Variants in STARD6 observed in about 807,000 individuals in gnomAD.
STARD6 encodes stAR-related lipid transfer protein 6.
Under a neutral mutation model 22.3 loss-of-function variants are expected in STARD6, and 21 were observed. That is an observed-to-expected ratio of 0.94 (90% CI 0.67 to 1.35). The LOEUF is 1.35. Ranked by LOEUF, STARD6 falls within the 40% of genes most tolerant of loss-of-function variation. The pLI is 0.00. For synonymous variants in STARD6, 80 were observed against 88.1 expected (o/e 0.91, Z 0.52); for missense variants, 269 against 266.9 (o/e 1.01, Z -0.05).
intron 5 of STARD6, among the ~76,000 whole-genome samples, chr18:54,332,212 G>T (rs2088871432): frequency 1.3e-5 from 2 of 152,102 alleles, no homozygotes; most frequent in Admixed American, 1.3e-4. Flanking sequence ...CTCCACATAG[G>T]CTAAGTAATA....
intron 4 of STARD6, among the ~76,000 whole-genome samples, chr18:54,345,368 T>A (rs887826591): frequency 6.6e-6 from 1 of 152,112 alleles, no homozygotes; most frequent in East Asian, 1.9e-4. Context: ...ATAGAACACG[T>A]TTAAGACATA....
intron 7 of STARD6, 23 bp downstream of exon 7, chr18:54,329,324 A>G (rs1215682051): frequency 2.0e-6 from 3 of 1,519,248 alleles, no homozygotes; most frequent in African/African-American, 2.9e-5. Context: ...CTGTTAAAAT[A>G]AATAAGTGCA....
chr18:54,356,995 T>C (rs1254542495), intron 1 of STARD6: 1 of 152,238 alleles, frequency 6.6e-6, no homozygotes, highest in East Asian at 1.9e-4. Flanking sequence ...AGGTAAAATT[T>C]AGTAGGCTAC....
intron 4 of STARD6, 70 bp from the exon 5 acceptor site, chr18:54,337,321 C>A: frequency 6.9e-7 from 1 of 1,444,694 alleles, no homozygotes. Flanking sequence ...ATAATACTAT[C>A]AAAGCATAAA....
chr18:54,327,244 T>G (rs949805558), intron 7 of STARD6, among the ~76,000 whole-genome samples: 4 of 152,208 alleles, frequency 2.6e-5, no homozygotes, highest in African/African-American at 9.7e-5. Flanking sequence ...CAAACATTTT[T>G]AATTTTGATC....
chr18:54,331,304 G>A (rs1019814476), intron 6 of STARD6, among the ~76,000 whole-genome samples: 6 of 152,004 alleles, frequency 3.9e-5, no homozygotes, highest in Non-Finnish European at 7.4e-5. Context: ...ATCAAAACCG[G>A]CAGTTTCTAA....
Position 54,343,338 on chromosome 18 carries a change from C to T in STARD6, c.141-6087G>A, listed in dbSNP as rs1247939080. ...CCATCTGGGAAGTGAGGAGCATCTC[C>T]GCCCGGCAGCCACCCCGTCCGGGAG... is the stretch of plus-strand genomic sequence containing the variant. On this transcript the variant is annotated intron_variant, in intron 4 of 7. Transcript: ENST00000307844. 7.1e-4 allele frequency among the ~76,000 whole-genome samples: 101 copies of T among 141,982 alleles called. 2 individuals carry two copies. The highest frequency in any genetic ancestry group is 1.3e-3 in the Non-Finnish European group (83 of 64,408). The allele number at this position is 141,982 out of a possible 152,430, so 93.1% of individuals were successfully genotyped here.
rs537696212 is a variant in STARD6, at chr18:54,324,691, A to T, written c.*1T>A. 1 of 1,612,098 alleles carries T rather than the reference A, an allele frequency of 6.2e-7. No homozygotes were observed. The highest frequency in any genetic ancestry group is 1.3e-5 in the African/African-American group (1 of 74,904). ...GAACGGCCTCATTTCTTCTTTTGGT[A>T]TCATGAATGACTATTATGATGAAAT... On this transcript the variant is annotated 3_prime_UTR_variant, in exon 8 of 8. Coordinates refer to ENST00000307844, the MANE Select transcript of STARD6 (RefSeq NM_139171.2).
chr18:54,345,192 T>C (rs1283673086), intron 4 of STARD6, among the ~76,000 whole-genome samples: 2 of 152,138 alleles, frequency 1.3e-5, no homozygotes, highest in South Asian at 4.1e-4. Flanking sequence ...AGCTTCAGGA[T>C]ACAAGATCAA....
intron 4 of STARD6, among the ~76,000 whole-genome samples, chr18:54,345,811 G>A (rs1312110982): frequency 9.2e-5 from 14 of 152,120 alleles, no homozygotes; most frequent in Admixed American, 8.5e-4. Flanking sequence ...TGACAAAGGA[G>A]CCCAGACAAT....
At chr18:54,355,311 C>T (rs1021230611) in intron 2 of STARD6, among the ~76,000 whole-genome samples, 21 of 152,124 alleles carry the variant, frequency 1.4e-4, no homozygotes, top group African/African-American at 5.1e-4. Context: ...ATGTCACCTC[C>T]TCAGATAGGA....
At chr18:54,337,502 G>C (rs1421255087) in intron 4 of STARD6, among the ~76,000 whole-genome samples, 1 of 152,146 alleles carries the variant, frequency 6.6e-6, no homozygotes, top group Admixed American at 6.5e-5. Context: ...TTAAGTTTTT[G>C]GGGAGTCAAA....
chr18:54,334,444 C>T (rs190250041), intron 5 of STARD6, among the ~76,000 whole-genome samples: 2 of 152,226 alleles, frequency 1.3e-5, no homozygotes, highest in East Asian at 1.9e-4. Flanking sequence ...AAACTTCTCC[C>T]CCTGACCTTT....
At chr18:54,338,700 A>G (rs1318861054) in intron 4 of STARD6, among the ~76,000 whole-genome samples, 2 of 152,092 alleles carry the variant, frequency 1.3e-5, no homozygotes, top group Non-Finnish European at 2.9e-5. Context: ...AAAAACAGCA[A>G]GCAGGAGAAA....
intron 4 of STARD6, among the ~76,000 whole-genome samples, chr18:54,351,933 C>G: frequency 1.2e-5 from 1 of 85,720 alleles, no homozygotes. Context: ...ATGTCCTTTA[C>G]TGGTTTTGTT....
At chr18:54,336,647 C>T (rs1467412552) in intron 5 of STARD6, among the ~76,000 whole-genome samples, 2 of 152,068 alleles carry the variant, frequency 1.3e-5, no homozygotes, top group Admixed American at 6.5e-5. Flanking sequence ...TGAGTTCTCA[C>T]GAGGTCTGAT....
At chr18:54,355,088 C>T (rs1056523213) in intron 2 of STARD6, among the ~76,000 whole-genome samples, 2 of 152,200 alleles carry the variant, frequency 1.3e-5, no homozygotes, top group Non-Finnish European at 2.9e-5. Context: ...AGTGGCACTA[C>T]ACGATCTGAC....
intron 1 of STARD6, chr18:54,357,192 G>A (rs1445470166): frequency 6.6e-6 from 1 of 152,232 alleles, no homozygotes; most frequent in African/African-American, 2.4e-5. Flanking sequence ...CCAATTGGTT[G>A]AAACTGGATT....
chr18:54,324,704 A>C lies in STARD6; in HGVS notation c.651T>G (p.Asn217Lys). The change falls in exon 8 of 8, where the codon AAT becomes AAG. Residue 217 changes from asparagine to lysine, a missense_variant. Coordinates refer to ENST00000307844, the MANE Select transcript of STARD6 (RefSeq NM_139171.2). ...RTPSRRGFHHNSHS is the reference protein window; with the variant it reads ...RTPSRRGFHHKSHS Reference sequence around the variant, plus strand: ...TCTTCTTTTGGTATCATGAATGACTATTATGATGAAATCCACGTCTTGATG... The same window carrying C: ...TCTTCTTTTGGTATCATGAATGACTCTTATGATGAAATCCACGTCTTGATG... 6.2e-7 allele frequency: 1 copy of C among 1,613,184 alleles called. No homozygotes were observed. The highest frequency in any genetic ancestry group is 8.5e-7 in the Non-Finnish European group (1 of 1,179,590).
Sources: gnomAD v4.1 joint callset for allele counts (sites outside exome capture counted in the v4.1 genomes callset) on GRCh38, gnomAD v4.1.1 for gene constraint, MANE v1.5 for transcripts, NCBI Gene and HGNC (gene_info 2026-07-23, HGNC 2026-07-21) for gene names.